Variants in PBRM1 observed in about 807,000 individuals in gnomAD.
PBRM1 encodes the protein protein polybromo-1.
PBRM1 carries 27 observed loss-of-function variants against 194.5 expected under a neutral mutation model. The observed-to-expected ratio is 0.14, with a 90% CI of 0.10 to 0.19. The LOEUF is 0.19. Among genes scored for constraint, PBRM1 ranks in the 10% least tolerant of loss-of-function variants. The pLI is 1.00. For missense variants in PBRM1, 1,466 were observed against 2,077.2 expected (o/e 0.71, Z 5.72); for synonymous variants, 655 against 693.2 (o/e 0.94, Z 0.87).
At chr3:52,640,189 GTTATTATTCGCCTGGTTA>G (rs1349232686) in intron 10 of PBRM1, among the ~76,000 whole-genome samples, 2 of 36,306 alleles carry the variant, frequency 5.5e-5, no homozygotes, top group Non-Finnish European at 1.2e-4. Context: ...AGCTACTCTG[GTTATTATTCGCCTGGTTA>G]TTATTCGCCT....
At chr3:52,583,991 G>A (rs1051496925) in intron 20 of PBRM1, among the ~76,000 whole-genome samples, 1 of 151,902 alleles carries the variant, frequency 6.6e-6, no homozygotes, top group South Asian at 2.1e-4. Flanking sequence ...AATACATCTG[G>A]CAGGGCAAAG....
rs2096243264 is a variant in PBRM1 at position 52,644,850 on chromosome 3, C to T, written c.814-61G>A. 4.0e-6 allele frequency: 3 copies of T among 759,252 alleles called. No individual in the cohort carries two copies. In the Admixed American group the frequency reaches 6.1e-5, roughly 16 times the overall value. The allele number at this position is 759,252 out of a possible 1,614,324, so 47.0% of individuals were successfully genotyped here. On this transcript the variant is annotated intron_variant, in intron 7 of 29. Transcript: ENST00000296302. ...CAGATAAAAGGACAGCTTAATGCCC[C>T]CAACTCATGCAATGGGCACCTTCTA...
intron 16 of PBRM1, among the ~76,000 whole-genome samples, chr3:52,608,067 C>T (rs2094438666): frequency 6.6e-6 from 1 of 152,340 alleles, no homozygotes; most frequent in Non-Finnish European, 1.5e-5. Context: ...CCTTACATCA[C>T]CATCTTTACT....
chr3:52,592,894 A>G (rs546059304), intron 17 of PBRM1, among the ~76,000 whole-genome samples: 2 of 152,204 alleles, frequency 1.3e-5, no homozygotes, highest in African/African-American at 4.8e-5. Flanking sequence ...GCGAGGGTGT[A>G]TGTGTTCAGG....
intron 17 of PBRM1, among the ~76,000 whole-genome samples, chr3:52,594,606 G>C (rs1295947949): frequency 6.6e-6 from 1 of 152,156 alleles, no homozygotes; most frequent in Non-Finnish European, 1.5e-5. Context: ...GTATTGATAT[G>C]TATGGATCTG....
intron 21 of PBRM1, 139 bp from the exon 24 acceptor site, chr3:52,576,837 T>A: frequency 2.0e-6 from 1 of 511,054 alleles, no homozygotes; most frequent in East Asian, 3.4e-5. Context: ...TAAGACAACT[T>A]CATTAATTTT....
At chr3:52,558,315 G>A in exon 26 of PBRM1, 1 of 1,549,904 alleles carries the variant, frequency 6.5e-7, no homozygotes, top group Non-Finnish European at 8.7e-7. Flanking sequence ...ACCCCCATGA[G>A]AGCCCCCACA....
chr3:52,580,884 C>A (rs2090991918), intron 20 of PBRM1, among the ~76,000 whole-genome samples: 1 of 152,068 alleles, frequency 6.6e-6, no homozygotes, highest in Admixed American at 6.6e-5. Flanking sequence ...TAACAGACAT[C>A]ATTATTACTG....
chr3:52,565,894 C>CA (rs1234441505), intron 22 of PBRM1, among the ~76,000 whole-genome samples: 1 of 151,842 alleles, frequency 6.6e-6, no homozygotes, highest in Non-Finnish European at 1.5e-5. Flanking sequence ...ACTAACAGTA[C>CA]AAAAAATTAG....
chr3:52,606,114 T>C (rs1208626104), intron 16 of PBRM1, among the ~76,000 whole-genome samples: 1 of 151,994 alleles, frequency 6.6e-6, no homozygotes, highest in African/African-American at 2.4e-5. Flanking sequence ...TCCTCCCACC[T>C]CAACCTCTCG....
chr3:52,659,131 T>C (rs909490136), intron 4 of PBRM1, among the ~76,000 whole-genome samples: 5 of 152,212 alleles, frequency 3.3e-5, no homozygotes, highest in African/African-American at 4.8e-5. Flanking sequence ...AGTACATCAA[T>C]GTACACCATT....
At chr3:52,556,910 T>G (rs2082338444) in intron 26 of PBRM1, among the ~76,000 whole-genome samples, 1 of 151,518 alleles carries the variant, frequency 6.6e-6, no homozygotes. Flanking sequence ...AACAGGGAGC[T>G]AAAATGCTGC....
At chr3:52,548,588 G>A (rs1466808851) in intron 29 of PBRM1, among the ~76,000 whole-genome samples, 1 of 152,026 alleles carries the variant, frequency 6.6e-6, no homozygotes, top group Non-Finnish European at 1.5e-5. Context: ...CACCAAGCCT[G>A]GCTGATTTTT....
exon 2 of PBRM1, chr3:52,678,509 G>T (rs2154057015): frequency 6.2e-7 from 1 of 1,608,046 alleles, no homozygotes; most frequent in Non-Finnish European, 8.5e-7. Flanking sequence ...CCTTCGCTTT[G>T]GTGCCCTAAT....
chr3:52,672,296 T>C lies in PBRM1; in HGVS notation c.237-3651A>G, dbSNP rs926797537. Among the ~76,000 whole-genome samples the C allele has an allele frequency of 3.3e-5, 5 of 152,130 alleles. No homozygotes were observed. In the South Asian group the frequency reaches 1.0e-3, roughly 32 times the overall value. ...CCCTTGTGATTACACTGGACCCACA[T>C]GGATAATCCAGGATAACCGCTCCAA... On this transcript the variant is annotated intron_variant, in intron 2 of 29. Transcript: ENST00000296302.
rs1055831694 is a variant in PBRM1, at chr3:52,662,025, A to G, written c.528+108T>C. The G allele has an allele frequency of 8.3e-5, 92 of 1,107,492 alleles. No homozygotes were observed. The African/African-American group carries it at 9.6e-4, about 12-fold the overall frequency. 68.6% of individuals were successfully genotyped at this position (1,107,492 alleles called of 1,614,324 possible). A position where few individuals can be genotyped will look rare whatever the true frequency, so the allele number is the denominator to read the frequency against. On this transcript the variant is annotated intron_variant, in intron 4 of 29. Coordinates refer to ENST00000296302, the Ensembl canonical transcript of PBRM1. ...TTTTATCCTCCCAGTTACCAATACA[A>G]TTGCACAGGAATTCTAGTTGCCCAC...
chr3:52,571,867 A>C (rs1379847909), intron 22 of PBRM1, among the ~76,000 whole-genome samples: 21 of 130,788 alleles, frequency 1.6e-4, no homozygotes, highest in African/African-American at 5.1e-4. Flanking sequence ...AAAAAAAAAA[A>C]AAAAAAAAAA....
rs183297283 is a variant in PBRM1 at position 52,646,752 on chromosome 3, A to G, written c.813+1592T>C. On this transcript the variant is annotated intron_variant, in intron 7 of 29. Transcript: ENST00000296302. ...TTACATGTACCTCACATATATAAAA[A>G]TTACTTCAAACTGGATCAAAGATCT... 5.3e-5 allele frequency among the ~76,000 whole-genome samples: 8 copies of G among 152,326 alleles called. No individual in the cohort carries two copies. The East Asian group carries it at 1.5e-3, about 29-fold the overall frequency.
intron 13 of PBRM1, among the ~76,000 whole-genome samples, chr3:52,622,367 A>C (rs1252981421): frequency 6.6e-6 from 1 of 152,068 alleles, no homozygotes; most frequent in South Asian, 2.1e-4. Flanking sequence ...AAGACAAAAA[A>C]ATACTTAGGA....
Sources: allele counts gnomAD v4.1 joint callset (sites outside exome capture counted in the v4.1 genomes callset), GRCh38; gene constraint gnomAD v4.1.1; transcripts MANE v1.5; gene names NCBI Gene and HGNC (gene_info 2026-07-23, HGNC 2026-07-21).